PRR5L: variants seen among roughly 807,000 people sequenced by gnomAD.
PRR5L encodes the protein proline rich 5 like.
A neutral mutation model predicts 36.4 loss-of-function variants in PRR5L; 21 were observed. That is an observed-to-expected ratio of 0.58 (90% CI 0.41 to 0.83). The LOEUF (loss-of-function observed/expected upper bound fraction) is 0.83, where lower values mean the gene tolerates loss of function less well. Among genes scored for constraint, PRR5L ranks in the 40% least tolerant of loss-of-function variants. PRR5L has a pLI of 0.00. For missense variants in PRR5L, 381 were observed against 473.3 expected (o/e 0.80, Z 1.81); for synonymous variants, 188 against 197.0 (o/e 0.95, Z 0.38).
chr11:36,326,006 G>T (rs957490002), intron 1 of PRR5L, among the ~76,000 whole-genome samples: 4 of 151,796 alleles, frequency 2.6e-5, no homozygotes, highest in South Asian at 4.2e-4. Context: ...ATTATTTTTG[G>T]TGAGTATTTC....
At chr11:36,317,560 C>T (rs557943323) in intron 1 of PRR5L, among the ~76,000 whole-genome samples, 24 of 152,134 alleles carry the variant, frequency 1.6e-4, no homozygotes, top group Non-Finnish European at 3.1e-4. Context: ...AGTTTGTGTT[C>T]GGAGTTATTT....
intron 1 of PRR5L, among the ~76,000 whole-genome samples, chr11:36,329,517 T>C (rs1416266020): frequency 2.0e-5 from 3 of 152,228 alleles, no homozygotes; most frequent in African/African-American, 7.2e-5. Context: ...TTCCACTGCA[T>C]ATAAAATTTC....
At chr11:36,338,585 A>G (rs940228690) in intron 1 of PRR5L, among the ~76,000 whole-genome samples, 7 of 152,102 alleles carry the variant, frequency 4.6e-5, no homozygotes, top group Admixed American at 2.6e-4. Flanking sequence ...TCAACCCCTC[A>G]TTCTAGATTC....
At chr11:36,298,971 A>G (rs1026114362) in intron 1 of PRR5L, among the ~76,000 whole-genome samples, 1 of 152,174 alleles carries the variant, frequency 6.6e-6, no homozygotes, top group Non-Finnish European at 1.5e-5. Context: ...TTTTAACTTA[A>G]TCACATTTTT....
chr11:36,388,109 C>G (rs532209049), intron 1 of PRR5L: 1 of 152,290 alleles, frequency 6.6e-6, no homozygotes, highest in Admixed American at 6.5e-5. Flanking sequence ...CCCTTTCGGC[C>G]CATTTATGAT....
chr11:36,362,901 G>A (rs1277268055), intron 1 of PRR5L, among the ~76,000 whole-genome samples: 6 of 152,192 alleles, frequency 3.9e-5, no homozygotes, highest in Non-Finnish European at 8.8e-5. Context: ...TGGGCAGCCT[G>A]CCTGGGATGG....
intron 1 of PRR5L, among the ~76,000 whole-genome samples, chr11:36,334,703 A>G (rs12420991): frequency 0.05 from 7,581 of 152,130 alleles, 214 homozygotes; most frequent in African/African-American, 0.082. Flanking sequence ...GTAATTTTAT[A>G]TTTGTGTGGT....
At chr11:36,314,962 G>T (rs554340117) in intron 1 of PRR5L, among the ~76,000 whole-genome samples, 8 of 152,308 alleles carry the variant, frequency 5.3e-5, no homozygotes, top group African/African-American at 9.6e-5. Flanking sequence ...ATAGAACAGC[G>T]CCTGGTGTCT....
intron 4 of PRR5L, among the ~76,000 whole-genome samples, chr11:36,427,111 C>T (rs573882507): frequency 2.5e-4 from 38 of 152,334 alleles, no homozygotes; most frequent in African/African-American, 9.1e-4. Context: ...TTTTAGACGC[C>T]TTTCCCCAAA....
At chr11:36,370,059 C>A (rs1006977010) in intron 1 of PRR5L, among the ~76,000 whole-genome samples, 1 of 152,116 alleles carries the variant, frequency 6.6e-6, no homozygotes, top group Non-Finnish European at 1.5e-5. Flanking sequence ...GTGGTGACTT[C>A]CCACTGTGAC....
chr11:36,388,887 G>A (rs1590520170), intron 1 of PRR5L, among the ~76,000 whole-genome samples: 1 of 151,982 alleles, frequency 6.6e-6, no homozygotes, highest in South Asian at 2.1e-4. Flanking sequence ...TTTTAGTAGA[G>A]ACGGGGTTTC....
intron 5 of PRR5L, among the ~76,000 whole-genome samples, chr11:36,434,886 G>A (rs981197180): frequency 1.3e-5 from 2 of 152,074 alleles, no homozygotes; most frequent in African/African-American, 4.8e-5. Flanking sequence ...TTAGACCTGG[G>A]TTCTCGGGAG....
At chr11:36,345,944 C>T (rs1565402480) in intron 1 of PRR5L, among the ~76,000 whole-genome samples, 1 of 152,198 alleles carries the variant, frequency 6.6e-6, no homozygotes, top group Non-Finnish European at 1.5e-5. Flanking sequence ...GCTATAACTG[C>T]TGCTTGAAGA....
intron 1 of PRR5L, among the ~76,000 whole-genome samples, chr11:36,320,646 T>A (rs1856605977): frequency 6.6e-6 from 1 of 152,194 alleles, no homozygotes; most frequent in Non-Finnish European, 1.5e-5. Flanking sequence ...GTGTACGGAT[T>A]AGAGCTATGC....
chr11:36,303,013 G>A (rs955527899), intron 1 of PRR5L, among the ~76,000 whole-genome samples: 1 of 152,168 alleles, frequency 6.6e-6, no homozygotes. Context: ...GAAGAGTCAG[G>A]ATTCGAGCCC....
chr11:36,385,475 G>T (rs1857440385), intron 1 of PRR5L, among the ~76,000 whole-genome samples: 1 of 152,240 alleles, frequency 6.6e-6, no homozygotes, highest in African/African-American at 2.4e-5. Context: ...CATCTAAATT[G>T]TCAGCTTTCT....
At chr11:36,338,816 G>A (rs1562324) in intron 1 of PRR5L, among the ~76,000 whole-genome samples, 93,306 of 151,852 alleles carry the variant, frequency 0.61, 30,215 homozygotes, top group East Asian at 0.88. Flanking sequence ...GACCTCCGTG[G>A]TATGGTTTGG....
intron 5 of PRR5L, among the ~76,000 whole-genome samples, chr11:36,435,391 T>C (rs1858583213): frequency 6.6e-6 from 1 of 152,120 alleles, no homozygotes; most frequent in African/African-American, 2.4e-5. Flanking sequence ...TCACCAAGTA[T>C]AAAACTGTAC....
At chr11:36,309,654 GATGGT>G (rs1856476597) in intron 1 of PRR5L, among the ~76,000 whole-genome samples, 1 of 151,808 alleles carries the variant, frequency 6.6e-6, no homozygotes, top group African/African-American at 2.4e-5. Flanking sequence ...TGGGGATGAT[GATGGT>G]GGTGGTGGTA....
Sources: gnomAD v4.1 joint callset for allele counts (sites outside exome capture counted in the v4.1 genomes callset) on GRCh38, gnomAD v4.1.1 for gene constraint, MANE v1.5 for transcripts, NCBI Gene and HGNC (gene_info 2026-07-23, HGNC 2026-07-21) for gene names.